CDKL2: variants seen among roughly 807,000 people sequenced by gnomAD.
The protein encoded by CDKL2 is cyclin-dependent kinase-like 2.
Under a neutral mutation model 63.9 loss-of-function variants are expected in CDKL2, and 64 were observed. The ratio of observed to expected loss-of-function variants is 1.00; its 90% CI spans 0.82 to 1.23. CDKL2 has a LOEUF of 1.23. Ranked by LOEUF, CDKL2 falls within the 50% of genes most tolerant of loss-of-function variation. The pLI, the probability that CDKL2 is intolerant of heterozygous loss-of-function variation, is 0.00. For missense variants in CDKL2, 656 were observed against 668.0 expected (o/e 0.98, Z 0.20); for synonymous variants, 211 against 229.2 (o/e 0.92, Z 0.72).
chr4:75,626,393 G>C (rs1268250748), intron 1 of CDKL2, among the ~76,000 whole-genome samples: 1 of 151,904 alleles, frequency 6.6e-6, no homozygotes, highest in African/African-American at 2.4e-5. Flanking sequence ...CAGACCGGGC[G>C]CAGTGGCTCA....
chr4:75,591,832 A>G lies in CDKL2; in HGVS notation c.1634T>C (p.Ile545Thr). ...LAAIDLHTPS[I>T]TLHQVSGPPL... The stretch of plus-strand genomic sequence containing the variant: ...GTATTTCTGTACCTGATGTAATGTA[A>G]TACTGGGGGTGTGCAGGTCAATAGC... The change falls in exon 12 of 14, where the codon ATT becomes ACT. Residue 545 changes from isoleucine (I) to threonine (T), a missense_variant. Transcript: ENST00000307465. 6.5e-7 allele frequency: 1 copy of G among 1,534,740 alleles called. No homozygotes were observed. The highest frequency in any genetic ancestry group is 8.7e-7 in the Non-Finnish European group (1 of 1,145,762).
intron 13 of CDKL2, 25 bp downstream of exon 13, chr4:75,581,785 T>C: frequency 1.5e-6 from 2 of 1,348,094 alleles, no homozygotes; most frequent in South Asian, 2.4e-5. Flanking sequence ...GCTGCACAGC[T>C]TTAAGTATGG....
chr4:75,583,231 T>C (rs1436893794), intron 12 of CDKL2, among the ~76,000 whole-genome samples: 1 of 152,230 alleles, frequency 6.6e-6, no homozygotes, highest in Non-Finnish European at 1.5e-5. Flanking sequence ...GATATGTAAA[T>C]GTAGTACATA....
At chr4:75,618,501 G>A (rs1289194242) in intron 2 of CDKL2, among the ~76,000 whole-genome samples, 1 of 152,040 alleles carries the variant, frequency 6.6e-6, no homozygotes, top group East Asian at 1.9e-4. Context: ...TGATCCGCCC[G>A]CCTTGGCCTC....
chr4:75,609,526 A>G (rs1729588297), intron 3 of CDKL2, among the ~76,000 whole-genome samples: 2 of 151,190 alleles, frequency 1.3e-5, no homozygotes, highest in Admixed American at 1.3e-4. Flanking sequence ...AATCTCTTGA[A>G]CCTAGGAGGG....
Position 75,577,258 on chromosome 4 carries a change from A to G in CDKL2, c.*1944T>C, listed in dbSNP as rs184183472. Reference sequence around the variant, plus strand: ...ACTAAATAACCTTAAACTTAAAAAAAGGATCATTTTGGTTCAATATCTATT... The same window carrying G: ...ACTAAATAACCTTAAACTTAAAAAAGGGATCATTTTGGTTCAATATCTATT... On this transcript the variant is annotated 3_prime_UTR_variant, in exon 14 of 14. Transcript: ENST00000307465. Among the ~76,000 whole-genome samples the G allele has an allele frequency of 5.9e-5, 9 of 152,298 alleles. No homozygotes were observed. In the East Asian group the frequency reaches 1.7e-3, roughly 29 times the overall value.
At chr4:75,620,705 A>G (rs1197732176) in intron 2 of CDKL2, among the ~76,000 whole-genome samples, 1 of 152,172 alleles carries the variant, frequency 6.6e-6, no homozygotes, top group African/African-American at 2.4e-5. Context: ...TAGAGGGAAG[A>G]CTAAGAGGAT....
chr4:75,614,928 T>C (rs1729866569), intron 2 of CDKL2, among the ~76,000 whole-genome samples: 1 of 148,250 alleles, frequency 6.7e-6, no homozygotes, highest in Admixed American at 6.8e-5. Flanking sequence ...ATATAGTATA[T>C]ATATATATGT....
At chr4:75,609,559 T>C (rs1027866148) in intron 3 of CDKL2, among the ~76,000 whole-genome samples, 5 of 150,798 alleles carry the variant, frequency 3.3e-5, no homozygotes, top group African/African-American at 1.2e-4. Flanking sequence ...TGAGCCGAGA[T>C]TGCGCCATTG....
chr4:75,619,271 C>T (rs1730056521), intron 2 of CDKL2, among the ~76,000 whole-genome samples: 1 of 151,956 alleles, frequency 6.6e-6, no homozygotes, highest in East Asian at 1.9e-4. Flanking sequence ...CTAGCAAATA[C>T]AGGAAGCCCC....
At chr4:75,623,862 G>A (rs60571765) in intron 2 of CDKL2, among the ~76,000 whole-genome samples, 37,667 of 151,970 alleles carry the variant, frequency 0.25, 4,972 homozygotes, top group Middle Eastern at 0.37. Flanking sequence ...GGCCAGGCGC[G>A]GTGGCTTACA....
At chr4:75,590,135 C>G (rs1728653445) in intron 12 of CDKL2, among the ~76,000 whole-genome samples, 1 of 152,124 alleles carries the variant, frequency 6.6e-6, no homozygotes, top group Non-Finnish European at 1.5e-5. Context: ...CCACTGCACT[C>G]CAGCCTGGAT....
At chr4:75,618,368 C>A (rs1211548578) in intron 2 of CDKL2, among the ~76,000 whole-genome samples, 2 of 139,106 alleles carry the variant, frequency 1.4e-5, no homozygotes, top group African/African-American at 2.7e-5. Flanking sequence ...AATTCTCCTG[C>A]CTCAGCCTCC....
chr4:75,613,352 G>A (rs1413939858), intron 3 of CDKL2, among the ~76,000 whole-genome samples: 2 of 151,882 alleles, frequency 1.3e-5, no homozygotes, highest in African/African-American at 4.8e-5. Context: ...AATAATAACC[G>A]AAAAGAAATA....
At chr4:75,605,421 T>C (rs1729380036) in intron 5 of CDKL2, 101 bp downstream of exon 5, 2 of 683,064 alleles carry the variant, frequency 2.9e-6, no homozygotes, top group Admixed American at 2.6e-5. Flanking sequence ...TTAAAACATA[T>C]ATAATCTTTA....
At position 75,608,533 on chromosome 4, in the gene CDKL2, C is replaced by T. The variant is rs181732106; in HGVS notation, c.364-1172G>A. ...CCTGGGAACCCATGGAAGTGATAGA[C>T]AATGTGGTGTTTAAAATTGATGTTG... On this transcript the variant is annotated intron_variant, in intron 3 of 13. Coordinates refer to ENST00000307465, the MANE Select transcript of CDKL2 (RefSeq NM_001330724.2). 1.5e-3 allele frequency among the ~76,000 whole-genome samples: 227 copies of T among 152,120 alleles called. 1 individual carries two copies. The highest frequency in any genetic ancestry group is 5.4e-3 in the African/African-American group (222 of 41,494).
chr4:75,606,066 C>A (rs562390470), intron 4 of CDKL2, among the ~76,000 whole-genome samples: 1 of 152,226 alleles, frequency 6.6e-6, no homozygotes, highest in African/African-American at 2.4e-5. Context: ...CCATTTAGAG[C>A]CTATTCATTC....
intron 2 of CDKL2, among the ~76,000 whole-genome samples, chr4:75,617,562 A>G (rs770865697): frequency 1.1e-4 from 17 of 152,232 alleles, no homozygotes; most frequent in Non-Finnish European, 2.4e-4. Flanking sequence ...CAAATTTCAT[A>G]TCCTAATGGA....
chr4:75,587,832 A>T (rs1445704901), intron 12 of CDKL2, among the ~76,000 whole-genome samples: 2 of 149,764 alleles, frequency 1.3e-5, no homozygotes, highest in Non-Finnish European at 3.0e-5. Context: ...TGAACCTGGG[A>T]GGCAGAGCTT....
Sources: gnomAD v4.1 joint callset for allele counts (sites outside exome capture counted in the v4.1 genomes callset) on GRCh38, gnomAD v4.1.1 for gene constraint, MANE v1.5 for transcripts, NCBI Gene and HGNC (gene_info 2026-07-23, HGNC 2026-07-21) for gene names.